Variants in NRAP observed in about 807,000 individuals in gnomAD.
The protein encoded by NRAP is nebulin-related-anchoring protein.
Under a neutral mutation model 225.9 loss-of-function variants are expected in NRAP, and 189 were observed. That is an observed-to-expected ratio of 0.84 (90% confidence interval 0.74 to 0.94). The LOEUF (loss-of-function observed/expected upper bound fraction) is 0.94. NRAP is among the 40% of genes least tolerant of loss of function. The probability of loss-of-function intolerance (pLI) is 0.00; values close to 1 mark genes in which losing one functional copy is unlikely to be tolerated. For missense variants in NRAP, 2,176 were observed against 2,168.7 expected (o/e 1.00, Z -0.07); for synonymous variants, 769 against 790.7 (o/e 0.97, Z 0.46).
rs1450654275 is a variant in NRAP, at chr10:113,628,786, TGAA to T, written c.2145+128_2145+130del. Reference sequence around the variant, plus strand: ...CTGAGAATGTGCTACAGGTGTGAAATGAAGTACTCCCACTTTGAATCACAGCCA... The same window carrying T: ...CTGAGAATGTGCTACAGGTGTGAAATGTACTCCCACTTTGAATCACAGCCA... On this transcript the variant is annotated intron_variant, in intron 20 of 41. Coordinates refer to ENST00000359988, the MANE Select transcript of NRAP (RefSeq NM_198060.4). The T allele has an allele frequency of 6.6e-6, 4 of 608,390 alleles. No individual in the cohort carries two copies. The Admixed American group carries it at 1.2e-4, about 18-fold the overall frequency. 37.7% of individuals were successfully genotyped at this position (608,390 alleles called of 1,614,324 possible).
chr10:113,656,956 A>T lies in NRAP; in HGVS notation c.360+514T>A, dbSNP rs1256479667. 2.6e-5 allele frequency among the ~76,000 whole-genome samples: 4 copies of T among 152,152 alleles called. No individual in the cohort carries two copies. The East Asian group carries it at 7.7e-4, about 29-fold the overall frequency. On this transcript the variant is annotated intron_variant, in intron 4 of 41. Coordinates refer to ENST00000359988, the MANE Select transcript of NRAP (RefSeq NM_198060.4). ...TATGTGTATATTATGTGTGTAAATA[A>T]AATAAATGGCTAAGGAATTCTGAAA...
intron 8 of NRAP, 38 bp downstream of exon 8, chr10:113,650,400 T>C: frequency 6.8e-7 from 1 of 1,460,436 alleles, no homozygotes; most frequent in South Asian, 1.1e-5. Flanking sequence ...CACATTCCTC[T>C]TTCTCCCTAA....
At chr10:113,591,287 C>A (rs1845974247) in intron 39 of NRAP, among the ~76,000 whole-genome samples, 1 of 152,218 alleles carries the variant, frequency 6.6e-6, no homozygotes. Context: ...TTCTTTCCAG[C>A]TTTTAGGGAC....
chr10:113,617,308 C>T (rs1847725681), intron 26 of NRAP, 147 bp downstream of exon 26: 1 of 534,246 alleles, frequency 1.9e-6, no homozygotes, highest in Non-Finnish European at 3.4e-6. Context: ...GAAGCACCCC[C>T]CGCTAAGGGA....
chr10:113,601,245 T>C (rs1846581125), intron 35 of NRAP, among the ~76,000 whole-genome samples: 1 of 152,160 alleles, frequency 6.6e-6, no homozygotes, highest in Admixed American at 6.5e-5. Context: ...AACCTCAGCA[T>C]CTCTGGGTCC....
chr10:113,626,623 G>A (rs907919756), intron 20 of NRAP, among the ~76,000 whole-genome samples: 3 of 152,108 alleles, frequency 2.0e-5, no homozygotes, highest in African/African-American at 7.2e-5. Context: ...GGGAGCAGAG[G>A]CTTCATCACC....
chr10:113,622,189 G>A lies in NRAP; in HGVS notation c.2458-9C>T, dbSNP rs758689844. ...TCCTCCTTGTACTTCACCTAAATAA[G>A]AGGAATAGAGCAGGGATACATTAGA... On this transcript the variant is annotated splice_polypyrimidine_tract_variant and intron_variant, in intron 23 of 41. Coordinates refer to ENST00000359988, the MANE Select transcript of NRAP (RefSeq NM_198060.4). The A allele has an allele frequency of 6.3e-7, 1 of 1,595,920 alleles. No homozygotes were observed. The highest frequency in any genetic ancestry group is 1.7e-5 in the Admixed American group (1 of 59,898).
chr10:113,660,454 A>G (rs140844984), intron 3 of NRAP, among the ~76,000 whole-genome samples: 22 of 152,334 alleles, frequency 1.4e-4, no homozygotes, highest in Non-Finnish European at 2.5e-4. Flanking sequence ...CTTCCTGGGA[A>G]GCTCACATCA....
intron 38 of NRAP, 93 bp from the exon 39 acceptor site, chr10:113,592,394 G>A (rs995375072): frequency 1.3e-6 from 1 of 792,966 alleles, no homozygotes; most frequent in Non-Finnish European, 2.1e-6. Flanking sequence ...CTTAACCTTT[G>A]TTGGTTCCTA....
At position 113,626,052 on chromosome 10, in the gene NRAP, T is replaced by C; in HGVS notation, c.2239A>G (p.Ser747Gly). 3 of 1,609,986 alleles carry C rather than the reference T, an allele frequency of 1.9e-6. No individual in the cohort carries two copies. Among genetic ancestry groups the C allele is most frequent in the Middle Eastern group, 1.7e-4 (1 of 5,990 alleles). The stretch of plus-strand genomic sequence containing the variant: ...AAGGGCAGCCCAGGACTCACCCCGC[T>C]CTGTAGCTCCTGGCTCTTCTTGGCG... ...EHAKKSQELQSGVAYKAGNEQ... is the reference protein window; with the variant it reads ...EHAKKSQELQGGVAYKAGNEQ... The change falls in exon 21 of 42, where the codon AGC (serine) becomes GGC (glycine). Residue 747 changes from serine to glycine, a missense_variant. Physicochemically the swap from Ser to Gly is moderately conservative, Grantham distance 56. Transcript: ENST00000359988.
chr10:113,653,972 G>C, intron 5 of NRAP, 49 bp downstream of exon 5: 1 of 1,071,748 alleles, frequency 9.3e-7, no homozygotes. Flanking sequence ...CAAACTAATT[G>C]CTAAGTAATT....
chr10:113,627,558 CTAGA>C (rs748646288), intron 20 of NRAP, among the ~76,000 whole-genome samples: 1 of 152,182 alleles, frequency 6.6e-6, no homozygotes, highest in Non-Finnish European at 1.5e-5. Context: ...CTCCAAGAAG[CTAGA>C]TAATGAAAGC....
Position 113,604,618 on chromosome 10 carries a change from C to A in NRAP, c.4218G>T (p.Leu1406=). ...KMAWAKKAHA[L]QSELRYKSDL... Reference sequence around the variant, plus strand: ...ACAAGGCCACCCCTACCTCACTCTGCAGGGCATGGGCTTTCTTGGCCCAGG... The same window carrying A: ...ACAAGGCCACCCCTACCTCACTCTGAAGGGCATGGGCTTTCTTGGCCCAGG... Residue 1406 remains leucine, a synonymous_variant, in exon 35 of 42, where the codon CTG becomes CTT. Coordinates refer to ENST00000359988, the MANE Select transcript of NRAP (RefSeq NM_198060.4). 1 of 1,613,040 alleles carries A rather than the reference C, an allele frequency of 6.2e-7. No individual in the cohort carries two copies. Among genetic ancestry groups the A allele is most frequent in the South Asian group, 1.1e-5 (1 of 91,036 alleles).
Position 113,645,957 on chromosome 10 carries a change from CA to C in NRAP, c.994-17del. The C allele has an allele frequency of 7.6e-7, 1 of 1,315,654 alleles. No individual in the cohort carries two copies. The highest frequency in any genetic ancestry group is 1.1e-6 in the Non-Finnish European group (1 of 936,542). 81.5% of individuals were successfully genotyped at this position (1,315,654 alleles called of 1,614,324 possible). ...TGTATTTTATCTGAAAAAAAAAACA[CA>C]AAACGGGGCTGGAGTTGATGTTTCC... On this transcript the variant is annotated splice_polypyrimidine_tract_variant and intron_variant, in intron 10 of 41. Transcript: ENST00000359988.
chr10:113,593,229 G>T (rs2133829975), intron 38 of NRAP, among the ~76,000 whole-genome samples: 2 of 152,266 alleles, frequency 1.3e-5, no homozygotes, highest in Admixed American at 1.3e-4. Context: ...ACGAGCTACA[G>T]CAGGTCAGGG....
chr10:113,631,042 G>A (rs1395315632), intron 18 of NRAP, among the ~76,000 whole-genome samples: 4 of 152,106 alleles, frequency 2.6e-5, no homozygotes, highest in Admixed American at 1.3e-4. Flanking sequence ...TCGTCATTCC[G>A]ATTGGCTGGA....
At chr10:113,589,195 C>T (rs1360158796) in intron 41 of NRAP, 116 bp from the exon 42 acceptor site, 2 of 779,452 alleles carry the variant, frequency 2.6e-6, no homozygotes, top group Non-Finnish European at 4.1e-6. Flanking sequence ...GCTCACCCTC[C>T]CTTTCCTTTT....
chr10:113,631,989 T>C (rs1476916514), intron 16 of NRAP, 25 bp from the exon 17 acceptor site: 1 of 1,385,968 alleles, frequency 7.2e-7, no homozygotes, highest in Non-Finnish European at 1.0e-6. Context: ...CACAAGTGAA[T>C]AGGAGTTGCT....
rs748609928 is a variant in NRAP, at chr10:113,604,763, T to C, written c.4073A>G (p.His1358Arg). The C allele has an allele frequency of 8.7e-6, 14 of 1,614,210 alleles. No homozygotes were observed. In the South Asian group the frequency reaches 1.5e-4, roughly 18 times the overall value. The change falls in exon 35 of 42, where the codon CAT (histidine) becomes CGT (arginine). Residue 1358 changes from histidine (H) to arginine (R), a missense_variant. His to Arg is a conservative substitution (Grantham distance 29, BLOSUM62 0). This residue lies in a region of NRAP where 1,708 missense variants were observed against 1,695.5 expected (regional missense o/e 1.01). Transcript: ENST00000359988. ...RGATSSQAQF[H>R]LPMDMVHLVH... ...CAGGTGCACCATGTCCATGGGCAGA[T>C]GGAACTGGGCTTGGCTGCTGGTCGC...
Sources: gnomAD v4.1 joint callset for allele counts (sites outside exome capture counted in the v4.1 genomes callset) on GRCh38, gnomAD v4.1.1 for gene constraint, gnomAD v4.1.1 regional missense constraint, MANE v1.5 for transcripts, NCBI Gene and HGNC (gene_info 2026-07-23, HGNC 2026-07-21) for gene names.